Variants in PDIK1L observed in about 807,000 individuals in gnomAD.
PDIK1L encodes the protein serine/threonine-protein kinase PDIK1L.
In PDIK1L, 9 loss-of-function variants were observed where a neutral mutation model predicts 27.1. The observed-to-expected ratio is 0.33, with a 90% confidence interval of 0.20 to 0.58. PDIK1L has a LOEUF of 0.58. PDIK1L is among the 20% of genes least tolerant of loss of function. PDIK1L has a pLI of 0.86. For missense variants in PDIK1L, 216 were observed against 413.2 expected (o/e 0.52, Z 4.14); for synonymous variants, 130 against 141.7 (o/e 0.92, Z 0.59).
intron 2 of PDIK1L, among the ~76,000 whole-genome samples, chr1:26,119,493 A>C (rs1307513877): frequency 1.3e-5 from 2 of 152,182 alleles, no homozygotes; most frequent in African/African-American, 4.8e-5. Flanking sequence ...TAGCTAGATA[A>C]GTGAGAAAAA....
At chr1:26,121,287 C>T (rs578198285) in intron 2 of PDIK1L, among the ~76,000 whole-genome samples, 20 of 152,310 alleles carry the variant, frequency 1.3e-4, no homozygotes, top group African/African-American at 3.6e-4. Flanking sequence ...GAAGTAACGA[C>T]GTCAGTCTTT....
At chr1:26,116,780 A>G (rs1197745408) in intron 2 of PDIK1L, among the ~76,000 whole-genome samples, 3 of 152,068 alleles carry the variant, frequency 2.0e-5, no homozygotes, top group Non-Finnish European at 4.4e-5. Flanking sequence ...CAGTGGTGCA[A>G]TCTCGGCTTA....
In PDIK1L at chr1:26,122,760, C is replaced by A; in HGVS notation, c.*183C>A. ...AGTTGGCCGTTTTATTAGTATGTTTCAAATGTGTATTACCAATGTGGGTGT... is the reference window on the plus strand; with the variant it reads ...AGTTGGCCGTTTTATTAGTATGTTTAAAATGTGTATTACCAATGTGGGTGT... On this transcript the variant is annotated 3_prime_UTR_variant, in exon 3 of 3. Transcript: ENST00000374269. The surrounding 1 kb of genome is among the most constrained non-coding windows in gnomAD (Gnocchi z 5.4). 1 of 625,684 alleles carries A rather than the reference C, an allele frequency of 1.6e-6. No homozygotes were observed. The highest frequency in any genetic ancestry group is 2.5e-6 in the Non-Finnish European group (1 of 407,338). The allele number at this position is 625,684 out of a possible 1,614,324, so 38.8% of individuals were successfully genotyped here.
In PDIK1L at chr1:26,123,263, A is replaced by G. The variant is rs144306137; in HGVS notation, c.*686A>G. On this transcript the variant is annotated 3_prime_UTR_variant, in exon 3 of 3. Transcript: ENST00000374269. ...ATTATCTGGTAAAACAAATGAAATTAAGTGATCCAAAGCTGCTGAAGTATG... is the reference window on the plus strand; with the variant it reads ...ATTATCTGGTAAAACAAATGAAATTGAGTGATCCAAAGCTGCTGAAGTATG... 1.1e-3 allele frequency: 164 copies of G among 151,688 alleles called. No homozygotes were observed. The highest frequency in any genetic ancestry group is 3.7e-3 in the African/African-American group (151 of 41,258). 9.4% of individuals were successfully genotyped at this position (151,688 alleles called of 1,614,324 possible). A position where few individuals can be genotyped will look rare whatever the true frequency, so the allele number is the denominator to read the frequency against.
rs1369190867 is a variant in PDIK1L, at chr1:26,114,193, GCAGA to G, written c.-17-95_-17-92del. The G allele has an allele frequency of 6.1e-5, 74 of 1,221,546 alleles. 1 individual carries two copies. The South Asian group carries it at 9.6e-4, about 16-fold the overall frequency. 75.7% of individuals were successfully genotyped at this position (1,221,546 alleles called of 1,614,324 possible). A position where few individuals can be genotyped will look rare whatever the true frequency, so the allele number is the denominator to read the frequency against. On this transcript the variant is annotated intron_variant, in intron 1 of 2. Coordinates refer to ENST00000374269, the MANE Select transcript of PDIK1L (RefSeq NM_152835.5). This position sits in a 1 kb window ranked among gnomAD's most constrained non-coding sequence, Gnocchi z 4.8. Reference sequence around the variant, plus strand: ...GTATAGCAAATATCCTTCAAGCACTGCAGACAGTCAGACAGATGACAAGTAAATC... The same window carrying G: ...GTATAGCAAATATCCTTCAAGCACTGCAGTCAGACAGATGACAAGTAAATC...
At position 26,114,333 on chromosome 1, in the gene PDIK1L, G is replaced by A. The variant is rs563914993; in HGVS notation, c.25G>A (p.Asp9Asn). 10 of 1,612,642 alleles carry A rather than the reference G, an allele frequency of 6.2e-6. No individual in the cohort carries two copies. The highest frequency in any genetic ancestry group is 2.2e-5 in the East Asian group (1 of 44,840). Reference protein sequence around the residue: MVSSQPKYDLIREVGRGSY... With the variant: MVSSQPKYNLIREVGRGSY... ...GATGGTGAGTAGCCAGCCAAAGTAC[G>A]ATCTAATACGGGAGGTAGGCCGAGG... is the stretch of plus-strand genomic sequence containing the variant. The change falls in exon 2 of 3, where the codon GAT (aspartate) becomes AAT (asparagine). Residue 9 changes from aspartate (D) to asparagine (N), a missense_variant. Around this residue, in one of 2 missense-constraint regions of PDIK1L, gnomAD observed 47 missense variants for 47.2 expected, o/e 1.00. Coordinates refer to ENST00000374269, the MANE Select transcript of PDIK1L (RefSeq NM_152835.5). The surrounding 1 kb of genome is among the most constrained non-coding windows in gnomAD (Gnocchi z 4.8).
rs1203626336 is a variant in PDIK1L at position 26,123,066 on chromosome 1, T to G, written c.*489T>G. 6.5e-6 allele frequency: 1 copy of G among 152,682 alleles called. No homozygotes were observed. The highest frequency in any genetic ancestry group is 1.5e-5 in the Non-Finnish European group (1 of 68,092). 9.5% of individuals were successfully genotyped at this position (152,682 alleles called of 1,614,324 possible). A position where few individuals can be genotyped will look rare whatever the true frequency, so the allele number is the denominator to read the frequency against. On this transcript the variant is annotated 3_prime_UTR_variant, in exon 3 of 3. Coordinates refer to ENST00000374269, the MANE Select transcript of PDIK1L (RefSeq NM_152835.5). The stretch of plus-strand genomic sequence containing the variant: ...AAAAATGCCACGTCTGTTTAAATTA[T>G]TTGATGTAGGTTTGGGTTTTTGAGA...
chr1:26,115,751 G>A lies in PDIK1L; in HGVS notation c.285+1158G>A, dbSNP rs569805192. On this transcript the variant is annotated intron_variant, in intron 2 of 2. Coordinates refer to ENST00000374269, the MANE Select transcript of PDIK1L (RefSeq NM_152835.5). ...GGGGAGGCGGAGCTTGCCGTGAGCC[G>A]AGATCGCGCCACTGCACTCCAGCCT... 2.0e-3 allele frequency among the ~76,000 whole-genome samples: 299 copies of A among 151,594 alleles called. 2 individuals carry two copies. The highest frequency in any genetic ancestry group is 6.8e-3 in the African/African-American group (281 of 41,252).
At position 26,122,776 on chromosome 1, in the gene PDIK1L, A is replaced by T; in HGVS notation, c.*199A>T. On this transcript the variant is annotated 3_prime_UTR_variant, in exon 3 of 3. Coordinates refer to ENST00000374269, the MANE Select transcript of PDIK1L (RefSeq NM_152835.5). The surrounding 1 kb of genome is among the most constrained non-coding windows in gnomAD (Gnocchi z 5.4). ...AGTATGTTTCAAATGTGTATTACCA[A>T]TGTGGGTGTAAATTTTTAAAAAATG... 2 of 483,992 alleles carry T rather than the reference A, an allele frequency of 4.1e-6. No individual in the cohort carries two copies. Among genetic ancestry groups the T allele is most frequent in the Admixed American group, 4.0e-5 (1 of 24,924 alleles). 30.0% of individuals were successfully genotyped at this position (483,992 alleles called of 1,614,324 possible).
upstream of PDIK1L, chr1:26,111,354 G>A (rs935095636): frequency 7.9e-5 from 12 of 152,350 alleles, no homozygotes; most frequent in African/African-American, 2.7e-4. This position sits in a 1 kb window ranked among gnomAD's most constrained non-coding sequence, Gnocchi z 4.0. Flanking sequence ...GCAGGCACCC[G>A]AGACCCGCGC....
At chr1:26,119,197 C>T (rs897135216) in intron 2 of PDIK1L, among the ~76,000 whole-genome samples, 13 of 151,598 alleles carry the variant, frequency 8.6e-5, no homozygotes, top group African/African-American at 3.1e-4. Context: ...CACTTGAGTG[C>T]AGAAGTTCAA....
chr1:26,113,917 C>T (rs564429683), intron 1 of PDIK1L, among the ~76,000 whole-genome samples: 1 of 152,106 alleles, frequency 6.6e-6, no homozygotes, highest in Non-Finnish European at 1.5e-5. Flanking sequence ...AGATCGTGGT[C>T]GTCTGAGGCA....
Position 26,114,583 on chromosome 1 carries a change from T to G in PDIK1L, c.275T>G (p.Leu92Arg). The G allele has an allele frequency of 1.9e-6, 3 of 1,613,374 alleles. No individual in the cohort carries two copies. The highest frequency in any genetic ancestry group is 2.5e-6 in the Non-Finnish European group (3 of 1,179,348). ...ATGTCCCACGGCTCTAATTCTTCCCTTTATTTACAGGTATGTGTTGTTGAT... is the reference window on the plus strand; with the variant it reads ...ATGTCCCACGGCTCTAATTCTTCCCGTTATTTACAGGTATGTGTTGTTGAT... ...QKMSHGSNSSLYLQLVETSLK... is the reference protein window; with the variant it reads ...QKMSHGSNSSRYLQLVETSLK... The change falls in exon 2 of 3, where the codon CTT becomes CGT. Residue 92 changes from leucine to arginine, a missense_variant. Around this residue, in one of 2 missense-constraint regions of PDIK1L, gnomAD observed 169 missense variants for 366.0 expected, o/e 0.46. Transcript: ENST00000374269. The surrounding 1 kb of genome is among the most constrained non-coding windows in gnomAD (Gnocchi z 4.8).
In PDIK1L at chr1:26,115,061, C is replaced by T. The variant is rs1012743656; in HGVS notation, c.285+468C>T. On this transcript the variant is annotated intron_variant, in intron 2 of 2. Coordinates refer to ENST00000374269, the MANE Select transcript of PDIK1L (RefSeq NM_152835.5). Reference sequence around the variant, plus strand: ...TATCTGGTTTCTTCACCACGCAGTTCCAGTTAATTTTCATGAAGTACATGA... The same window carrying T: ...TATCTGGTTTCTTCACCACGCAGTTTCAGTTAATTTTCATGAAGTACATGA... 3.3e-5 allele frequency among the ~76,000 whole-genome samples: 5 copies of T among 152,200 alleles called. No individual in the cohort carries two copies. The East Asian group carries it at 9.6e-4, about 29-fold the overall frequency.
intron 2 of PDIK1L, among the ~76,000 whole-genome samples, chr1:26,118,681 C>T (rs2087921915): frequency 6.6e-6 from 1 of 152,180 alleles, no homozygotes; most frequent in Admixed American, 6.5e-5. Context: ...TATAAGTACT[C>T]AGTAATTGGT....
intron 1 of PDIK1L, among the ~76,000 whole-genome samples, chr1:26,113,138 A>G (rs937950447): frequency 1.1e-4 from 17 of 152,252 alleles, no homozygotes; most frequent in Admixed American, 9.8e-4. Context: ...GCTATTGTTA[A>G]ATGACTACAA....
At chr1:26,111,726 G>C (rs1041344336), upstream of PDIK1L, 1 of 151,562 alleles carries the variant, frequency 6.6e-6, no homozygotes, top group Non-Finnish European at 1.5e-5. This position sits in a 1 kb window ranked among gnomAD's most constrained non-coding sequence, Gnocchi z 4.0. Context: ...CGGTGGCGCG[G>C]AACGTCCCGG....
chr1:26,123,496 G>A lies in PDIK1L; in HGVS notation c.*919G>A, dbSNP rs2088027687. 2 of 152,560 alleles carry A rather than the reference G, an allele frequency of 1.3e-5. No homozygotes were observed. Among genetic ancestry groups the A allele is most frequent in the South Asian group, 2.1e-4 (1 of 4,828 alleles). 9.5% of individuals were successfully genotyped at this position (152,560 alleles called of 1,614,324 possible). A position where few individuals can be genotyped will look rare whatever the true frequency, so the allele number is the denominator to read the frequency against. The stretch of plus-strand genomic sequence containing the variant: ...TTATTCTGTTTGAAAACTTTGCTAT[G>A]TGTGAACTGTAATACTTGATACATT... On this transcript the variant is annotated 3_prime_UTR_variant, in exon 3 of 3. Coordinates refer to ENST00000374269, the MANE Select transcript of PDIK1L (RefSeq NM_152835.5).
rs1397962278 is a variant in PDIK1L at position 26,123,369 on chromosome 1, G to C, written c.*792G>C. 2.6e-5 allele frequency: 4 copies of C among 152,260 alleles called. No individual in the cohort carries two copies. Among genetic ancestry groups the C allele is most frequent in the East Asian group, 1.9e-4 (1 of 5,198 alleles). 9.4% of individuals were successfully genotyped at this position (152,260 alleles called of 1,614,324 possible). ...TGGCAGCAGGTTGGTGATTCAGTCCGACCTTCTTTAGGTAACCGAGCATTT... is the reference window on the plus strand; with the variant it reads ...TGGCAGCAGGTTGGTGATTCAGTCCCACCTTCTTTAGGTAACCGAGCATTT... On this transcript the variant is annotated 3_prime_UTR_variant, in exon 3 of 3. Transcript: ENST00000374269.
Sources: gnomAD v4.1 joint callset for allele counts (sites outside exome capture counted in the v4.1 genomes callset) on GRCh38, gnomAD v4.1.1 for gene constraint, gnomAD v4.1.1 regional missense constraint, Gnocchi (gnomAD v3.1) non-coding constraint, MANE v1.5 for transcripts, NCBI Gene and HGNC (gene_info 2026-07-23, HGNC 2026-07-21) for gene names.